UTP4: variants seen among roughly 807,000 people sequenced by gnomAD.
UTP4 encodes UTP4 small subunit processome component.
Under a neutral mutation model 82.4 loss-of-function variants are expected in UTP4, and 45 were observed. The observed-to-expected ratio is 0.55, with a 90% confidence interval of 0.43 to 0.70. The LOEUF (loss-of-function observed/expected upper bound fraction) is 0.70. UTP4 is among the 30% of genes least tolerant of loss of function. The pLI, the probability that UTP4 is intolerant of heterozygous loss-of-function variation, is 0.00. For synonymous variants in UTP4, 348 were observed against 300.3 expected (o/e 1.16, Z -1.64); for missense variants, 819 against 858.3 (o/e 0.95, Z 0.57).
intron 14 of UTP4, 55 bp from the exon 15 acceptor site, chr16:69,165,286 C>T (rs1963673385): frequency 6.7e-7 from 1 of 1,490,140 alleles, no homozygotes; most frequent in African/African-American, 1.4e-5. Flanking sequence ...TGAGAATGCC[C>T]TTCTGGTCTT....
Position 69,137,025 on chromosome 16 carries a change from A to G in UTP4, c.351+138A>G, listed in dbSNP as rs184380896. ...ACTATAAGATTGGAATTGATAGTGAAGATTTTAAAAATCCCCAGCATTCTT... is the reference window on the plus strand; with the variant it reads ...ACTATAAGATTGGAATTGATAGTGAGGATTTTAAAAATCCCCAGCATTCTT... On this transcript the variant is annotated intron_variant, in intron 3 of 16. Transcript: ENST00000314423. 6.3e-4 allele frequency: 492 copies of G among 783,050 alleles called. 2 individuals are homozygous for G. Among genetic ancestry groups the G allele is most frequent in the Non-Finnish European group, 1.7e-4 (76 of 443,800 alleles). 48.5% of individuals were successfully genotyped at this position (783,050 alleles called of 1,614,324 possible). A position where few individuals can be genotyped will look rare whatever the true frequency, so the allele number is the denominator to read the frequency against.
intron 2 of UTP4, among the ~76,000 whole-genome samples, chr16:69,134,541 T>C (rs1962758640): frequency 6.6e-6 from 1 of 151,122 alleles, no homozygotes; most frequent in African/African-American, 2.4e-5. Context: ...GAGGTGGGTT[T>C]AGGAAATGTG....
intron 14 of UTP4, among the ~76,000 whole-genome samples, chr16:69,164,594 A>ATATG (rs1347011463): frequency 1.6e-5 from 2 of 123,604 alleles, no homozygotes; most frequent in South Asian, 2.5e-4. Context: ...CTTTATATAT[A>ATATG]TATATATATA....
intron 12 of UTP4, among the ~76,000 whole-genome samples, chr16:69,159,641 T>C (rs1293430419): frequency 6.6e-6 from 1 of 151,308 alleles, no homozygotes; most frequent in African/African-American, 2.4e-5. Context: ...TGAGCCGAGA[T>C]TGCACCACTG....
intron 12 of UTP4, among the ~76,000 whole-genome samples, chr16:69,157,672 GCCACCTCGA>G (rs1325950604): frequency 2.0e-4 from 31 of 152,088 alleles, no homozygotes; most frequent in Admixed American, 2.0e-3. Context: ...ATAGATGGCT[GCCACCTCGA>G]CCTCTTGGGC....
At chr16:69,152,108 A>G (rs1023998739) in intron 8 of UTP4, among the ~76,000 whole-genome samples, 1 of 151,396 alleles carries the variant, frequency 6.6e-6, no homozygotes, top group African/African-American at 2.4e-5. Flanking sequence ...GAGGTTGAAC[A>G]TAGTCCTCAT....
rs1427804552 is a variant in UTP4 at position 69,153,585 on chromosome 16, G to A, written c.1004G>A (p.Arg335Gln). Residue 335 changes from arginine (R) to glutamine (Q), a missense_variant and splice_region_variant, in exon 9 of 17, where the codon CGA (arginine) becomes CAA (glutamine). By Grantham distance (43) the Arg-to-Gln change is conservative. Coordinates refer to ENST00000314423, the MANE Select transcript of UTP4 (RefSeq NM_032830.3). ...TAACTTCTTGATTCTTGGATATAGC[G>A]ATGTCTCATCTCCTGTTCTAAAAAG... is the stretch of plus-strand genomic sequence containing the variant. ...AALRKITFPHRCLISCSKKRQ... is the reference protein window; with the variant it reads ...AALRKITFPHQCLISCSKKRQ... The A allele has an allele frequency of 9.9e-6, 16 of 1,610,806 alleles. No homozygotes were observed. The highest frequency in any genetic ancestry group is 1.3e-5 in the Non-Finnish European group (15 of 1,177,756).
At position 69,160,437 on chromosome 16, in the gene UTP4, A is replaced by C. The variant is rs1255597891; in HGVS notation, c.1526A>C (p.His509Pro). The part of the protein sequence containing the change: ...LAASGTSAGV[H>P]VYNVKQLKLH... ...GCATCAGGTACCAGTGCTGGAGTCC[A>C]TGTCTACAACGTAAAACAGCTAAAG... Residue 509 changes from histidine (H) to proline (P), a missense_variant, in exon 13 of 17, where the codon CAT becomes CCT. Physicochemically the swap from His to Pro is moderately conservative, Grantham distance 77. Coordinates refer to ENST00000314423, the MANE Select transcript of UTP4 (RefSeq NM_032830.3). 6.2e-7 allele frequency: 1 copy of C among 1,613,990 alleles called. No homozygotes were observed. The highest frequency in any genetic ancestry group is 8.5e-7 in the Non-Finnish European group (1 of 1,179,962).
chr16:69,165,355 C>T lies in UTP4; in HGVS notation c.1662C>T (p.Ser554=). The part of the protein sequence containing the change: ...AHSDQQVFEY[S]IPDKQYTDWS... ...TCCTCCCTCAGGTATTTGAGTACAG[C>T]ATCCCAGACAAACAGTATACAGATT... The change falls in exon 15 of 17, where the codon AGC becomes AGT. Residue 554 remains serine (S), a synonymous_variant. Transcript: ENST00000314423. 6.2e-7 allele frequency: 1 copy of T among 1,614,130 alleles called. No individual in the cohort carries two copies. Among genetic ancestry groups the T allele is most frequent in the Middle Eastern group, 1.6e-4 (1 of 6,062 alleles).
intron 12 of UTP4, 65 bp downstream of exon 12, chr16:69,157,305 A>C (rs1023700345): frequency 6.5e-7 from 1 of 1,548,930 alleles, no homozygotes; most frequent in Admixed American, 1.8e-5. Flanking sequence ...TTTTGCTTTT[A>C]AGCCTCCATG....
At chr16:69,166,957 G>C in intron 15 of UTP4, 118 bp from the exon 16 acceptor site, 1 of 740,376 alleles carries the variant, frequency 1.4e-6, no homozygotes, top group South Asian at 1.5e-5. Context: ...TGTCAGGGAG[G>C]TACTGAATAT....
At chr16:69,153,721 A>G in intron 9 of UTP4, 41 bp downstream of exon 9, 1 of 1,317,392 alleles carries the variant, frequency 7.6e-7, no homozygotes, top group Non-Finnish European at 1.1e-6. Context: ...AAAACTGGAG[A>G]GAGAAGCCAG....
chr16:69,139,882 T>C lies in UTP4; in HGVS notation c.494T>C (p.Ile165Thr). 6.2e-7 allele frequency: 1 copy of C among 1,613,650 alleles called. No homozygotes were observed. Among genetic ancestry groups the C allele is most frequent in the African/African-American group, 1.3e-5 (1 of 75,028 alleles). The change falls in exon 5 of 17, where the codon ATA becomes ACA. Residue 165 changes from isoleucine (I) to threonine (T), a missense_variant. By Grantham distance (89) the Ile-to-Thr change is moderately conservative. Transcript: ENST00000314423. ...GGTACCCACATTGCAGCTGGTTCCA[T>C]AGACTACATTAGTGTGTTTGATGTC... is the stretch of plus-strand genomic sequence containing the variant. ...PSGTHIAAGSIDYISVFDVKS... is the reference protein window; with the variant it reads ...PSGTHIAAGSTDYISVFDVKS...
At chr16:69,133,205 T>C (rs1962692326) in intron 1 of UTP4, among the ~76,000 whole-genome samples, 1 of 151,922 alleles carries the variant, frequency 6.6e-6, no homozygotes, top group South Asian at 2.1e-4. Context: ...CGCCCCGAGA[T>C]AGGAACTCTG....
intron 6 of UTP4, among the ~76,000 whole-genome samples, chr16:69,146,579 G>A (rs1312891003): frequency 6.6e-6 from 1 of 152,210 alleles, no homozygotes; most frequent in Non-Finnish European, 1.5e-5. Flanking sequence ...TGCTGCTCTA[G>A]GCCAGGTGCG....
intron 2 of UTP4, 77 bp from the exon 3 acceptor site, chr16:69,136,619 C>T: frequency 7.0e-7 from 1 of 1,425,988 alleles, no homozygotes. Context: ...GTTGTTTTTA[C>T]CATGTTGCCT....
intron 15 of UTP4, 115 bp from the exon 16 acceptor site, chr16:69,166,960 C>A: frequency 1.3e-6 from 1 of 752,916 alleles, no homozygotes; most frequent in Non-Finnish European, 2.4e-6. Context: ...CAGGGAGGTA[C>A]TGAATATATA....
intron 4 of UTP4, chr16:69,139,065 T>G (rs1442435849): frequency 6.7e-6 from 1 of 148,364 alleles, no homozygotes; most frequent in Non-Finnish European, 1.5e-5. Context: ...GCCTCCTGGG[T>G]TCAAGCAATT....
chr16:69,142,995 C>T (rs545162518), intron 5 of UTP4, among the ~76,000 whole-genome samples, 183 bp from the exon 6 acceptor site: 10 of 152,292 alleles, frequency 6.6e-5, no homozygotes, highest in Admixed American at 2.6e-4. Context: ...GTCAGCTCAC[C>T]TACCATATCA....
Sources: allele counts gnomAD v4.1 joint callset (sites outside exome capture counted in the v4.1 genomes callset), GRCh38; gene constraint gnomAD v4.1.1; transcripts MANE v1.5; gene names NCBI Gene and HGNC (gene_info 2026-07-23, HGNC 2026-07-21).